MAP4K1: variants seen among roughly 807,000 people sequenced by gnomAD.
MAP4K1 encodes the protein MAPK/ERK kinase kinase kinase 1.
A neutral mutation model predicts 122.8 loss-of-function variants in MAP4K1; 35 were observed. That is an observed-to-expected ratio of 0.29 (90% CI 0.22 to 0.38). The LOEUF (loss-of-function observed/expected upper bound fraction) is 0.38. Among genes scored for constraint, MAP4K1 ranks in the 10% least tolerant of loss-of-function variants. The pLI, the probability that MAP4K1 is intolerant of heterozygous loss-of-function variation, is 1.00. For synonymous variants in MAP4K1, 412 were observed against 421.3 expected (o/e 0.98, Z 0.27); for missense variants, 791 against 1,072.6 (o/e 0.74, Z 3.67).
At chr19:38,616,619 C>T (rs1409420841) in intron 3 of MAP4K1, among the ~76,000 whole-genome samples, 1 of 151,968 alleles carries the variant, frequency 6.6e-6, no homozygotes, top group Non-Finnish European at 1.5e-5. Flanking sequence ...GAGCAGAGGT[C>T]ATTATTGGGG....
At chr19:38,591,392 G>A (rs1172250065) in intron 30 of MAP4K1, among the ~76,000 whole-genome samples, 9 of 151,310 alleles carry the variant, frequency 5.9e-5, no homozygotes, top group Non-Finnish European at 1.2e-4. Context: ...TTAGCTGGGC[G>A]TGGTGGTGTG....
At chr19:38,616,386 C>T (rs1464702350) in intron 3 of MAP4K1, 127 bp from the exon 4 acceptor site, 2 of 601,466 alleles carry the variant, frequency 3.3e-6, no homozygotes, top group South Asian at 2.4e-5. Context: ...CTCATCACTC[C>T]ACCTCTCCTT....
At chr19:38,606,128 G>A (rs1350759871) in intron 17 of MAP4K1, 45 bp downstream of exon 17, 4 of 1,507,134 alleles carry the variant, frequency 2.7e-6, no homozygotes, top group East Asian at 2.3e-5. Context: ...CTGGCCCCCA[G>A]TGGCCCTGAG....
At chr19:38,600,875 A>G (rs1216375876) in intron 20 of MAP4K1, among the ~76,000 whole-genome samples, 3 of 138,142 alleles carry the variant, frequency 2.2e-5, no homozygotes, top group Non-Finnish European at 4.5e-5. Context: ...GCATGATCTC[A>G]GCTCACTGCA....
chr19:38,603,230 A>G (rs1271912183), intron 19 of MAP4K1, among the ~76,000 whole-genome samples: 1 of 147,644 alleles, frequency 6.8e-6, no homozygotes. Flanking sequence ...ATATACATAT[A>G]CACATATATA....
Position 38,597,968 on chromosome 19 carries a change from A to G in MAP4K1, c.1670-374T>C, listed in dbSNP as rs1568625836. 6.6e-6 allele frequency among the ~76,000 whole-genome samples: 1 copy of G among 152,318 alleles called. No homozygotes were observed. The highest frequency in any genetic ancestry group is 1.9e-4 in the East Asian group (1 of 5,190). On this transcript the variant is annotated intron_variant, in intron 22 of 30. Coordinates refer to ENST00000396857, the MANE Select transcript of MAP4K1 (RefSeq NM_001042600.3). This position sits in a 1 kb window ranked among gnomAD's most constrained non-coding sequence, Gnocchi z 4.6. ...GTTTGTCATCACAGATGTGGCTTTC[A>G]CTAACTCATGAATCCCATTTGGCTT...
intron 13 of MAP4K1, 138 bp downstream of exon 13, chr19:38,609,458 G>A (rs1975428984): frequency 3.9e-6 from 3 of 762,588 alleles, no homozygotes; most frequent in Non-Finnish European, 6.7e-6. Context: ...TGTAGTTCAG[G>A]TGCTGATGAG....
chr19:38,605,574 G>A lies in MAP4K1; in HGVS notation c.1357C>T (p.His453Tyr). 6 of 1,475,724 alleles carry A rather than the reference G, an allele frequency of 4.1e-6. No homozygotes were observed. The highest frequency in any genetic ancestry group is 5.5e-6 in the Non-Finnish European group (6 of 1,099,224). 91.4% of individuals were successfully genotyped at this position (1,475,724 alleles called of 1,614,324 possible). The change falls in exon 18 of 31, where the codon CAT (histidine) becomes TAT (tyrosine). Residue 453 changes from histidine (H) to tyrosine (Y), a missense_variant. By Grantham distance (83) the His-to-Tyr change is moderately conservative. Around this residue, in one of 4 missense-constraint regions of MAP4K1, gnomAD observed 303 missense variants for 344.8 expected, o/e 0.88. Coordinates refer to ENST00000396857, the MANE Select transcript of MAP4K1 (RefSeq NM_001042600.3). ...PSTSSPHLTA[H>Y]SEPSLWNPPS... is the part of the protein sequence containing the mutation. ...CCCTAGCCTGTCCCATTACCTGAAT[G>A]GGCGGTGAGGTGGGGGCTGCTGGTG...
Position 38,596,972 on chromosome 19 carries a change from A to G in MAP4K1, c.1941+62T>C, listed in dbSNP as rs529783078. 35 of 1,474,532 alleles carry G rather than the reference A, an allele frequency of 2.4e-5. No homozygotes were observed. The African/African-American group carries it at 4.7e-4, about 20-fold the overall frequency. 91.3% of individuals were successfully genotyped at this position (1,474,532 alleles called of 1,614,324 possible). ...TCATGGAGCTCTTGATAGAAGCGCA[A>G]AGGGTGCAAGGCCTTAGCCACCCAC... is the stretch of plus-strand genomic sequence containing the variant. On this transcript the variant is annotated intron_variant, in intron 25 of 30. Coordinates refer to ENST00000396857, the MANE Select transcript of MAP4K1 (RefSeq NM_001042600.3).
rs1359121879 is a variant in MAP4K1 at position 38,597,043 on chromosome 19, C to T, written c.1932G>A (p.Leu644=). 2 of 1,614,100 alleles carry T rather than the reference C, an allele frequency of 1.2e-6. No homozygotes were observed. The highest frequency in any genetic ancestry group is 1.7e-6 in the Non-Finnish European group (2 of 1,179,996). ...LQWYQPMNKF[L]LVRQVLFPLP... ...CTCCCAAGCCCCTTACCCGGACAAG[C>T]AGGAATTTGTTCATGGGCTGGTACC... Residue 644 remains leucine, a synonymous_variant, in exon 25 of 31, where the codon CTG becomes CTA. Transcript: ENST00000396857. The surrounding 1 kb of genome is among the most constrained non-coding windows in gnomAD (Gnocchi z 4.6).
chr19:38,614,750 A>G (rs1384737393), intron 4 of MAP4K1: 6 of 401,592 alleles, frequency 1.5e-5, no homozygotes, highest in Admixed American at 1.1e-4. Flanking sequence ...GTGAAACCCC[A>G]TCTCTACTAA....
chr19:38,593,340 A>G lies in MAP4K1; in HGVS notation c.2341-3T>C, dbSNP rs1390926194. 1.2e-6 allele frequency: 2 copies of G among 1,607,526 alleles called. No individual in the cohort carries two copies. The highest frequency in any genetic ancestry group is 2.2e-5 in the East Asian group (1 of 44,598). On this transcript the variant is annotated splice_region_variant and splice_polypyrimidine_tract_variant and intron_variant, in intron 29 of 30. Coordinates refer to ENST00000396857, the MANE Select transcript of MAP4K1 (RefSeq NM_001042600.3). ...GGGTCTCTCAGCTCCTGTAGCAGCT[A>G]GGGAAAAAAAGTGTGTGTCTCAGTG...
At chr19:38,589,667 G>A (rs964123318) in intron 30 of MAP4K1, among the ~76,000 whole-genome samples, 1 of 151,940 alleles carries the variant, frequency 6.6e-6, no homozygotes, top group South Asian at 2.1e-4. Context: ...CACCTGCCTC[G>A]GCCTCCCAAA....
chr19:38,612,540 G>A (rs1410395551), intron 9 of MAP4K1, 71 bp downstream of exon 9: 82 of 1,474,444 alleles, frequency 5.6e-5, no homozygotes, highest in South Asian at 3.6e-4. Flanking sequence ...GATGGAAGGC[G>A]GAAGCTGAGG....
In MAP4K1 at chr19:38,617,299, G is replaced by C; in HGVS notation, c.248+55C>G. The stretch of plus-strand genomic sequence containing the variant: ...CTGAGGGTACCCCCATCAAGAAATG[G>C]GGACTCCGGGTTAGGGGCTGGGCTG... On this transcript the variant is annotated intron_variant, in intron 3 of 30. Coordinates refer to ENST00000396857, the MANE Select transcript of MAP4K1 (RefSeq NM_001042600.3). The surrounding 1 kb of genome is among the most constrained non-coding windows in gnomAD (Gnocchi z 4.1). 8.3e-7 allele frequency: 1 copy of C among 1,203,816 alleles called. No homozygotes were observed. The highest frequency in any genetic ancestry group is 1.2e-6 in the Non-Finnish European group (1 of 807,040). 74.6% of individuals were successfully genotyped at this position (1,203,816 alleles called of 1,614,324 possible).
At chr19:38,610,938 G>C (rs1196379581) in intron 11 of MAP4K1, 113 bp downstream of exon 11, 4 of 912,496 alleles carry the variant, frequency 4.4e-6, no homozygotes, top group Admixed American at 2.0e-5. Context: ...TGAGGCACTA[G>C]GGACTTTGGA....
At chr19:38,603,530 G>A (rs1168490079) in intron 19 of MAP4K1, among the ~76,000 whole-genome samples, 10 of 151,864 alleles carry the variant, frequency 6.6e-5, no homozygotes, top group African/African-American at 2.4e-4. Flanking sequence ...CAGTGCTGGA[G>A]GTATAAATTA....
chr19:38,603,205 C>CAT (rs1313728594), intron 19 of MAP4K1, among the ~76,000 whole-genome samples: 1 of 143,248 alleles, frequency 7.0e-6, no homozygotes, highest in African/African-American at 2.5e-5. Flanking sequence ...CATATATACA[C>CAT]ATACATATAT....
intron 9 of MAP4K1, 22 bp downstream of exon 9, chr19:38,612,589 T>G (rs1325827096): frequency 3.1e-6 from 5 of 1,607,278 alleles, no homozygotes; most frequent in Non-Finnish European, 4.2e-6. Flanking sequence ...TCTCTGGGCC[T>G]GGGGACCCCA....
Sources: gnomAD v4.1 joint callset for allele counts (sites outside exome capture counted in the v4.1 genomes callset) on GRCh38, gnomAD v4.1.1 for gene constraint, gnomAD v4.1.1 regional missense constraint, Gnocchi (gnomAD v3.1) non-coding constraint, MANE v1.5 for transcripts, NCBI Gene and HGNC (gene_info 2026-07-23, HGNC 2026-07-21) for gene names.